The following IQSEC1 variants were observed in gnomAD, a reference collection of about 807,000 sequenced individuals.
The protein encoded by IQSEC1 is IQ motif and Sec7 domain ArfGEF 1.
In IQSEC1, 31 loss-of-function variants were observed where a neutral mutation model predicts 91.0. That is an observed-to-expected ratio of 0.34 (90% CI 0.26 to 0.46). The LOEUF is 0.46. IQSEC1 is among the 20% of genes least tolerant of loss of function. IQSEC1 has a pLI of 1.00. For synonymous variants in IQSEC1, 699 were observed against 662.6 expected, an observed-to-expected ratio of 1.05 and a Z score of -0.84; for missense variants, 1,388 against 1,575.6, an observed-to-expected ratio of 0.88 and a Z score of 2.02.
rs143807835 is a variant in IQSEC1, at chr3:13,225,521, A to G, written c.272+57190T>C. On this transcript the variant is annotated intron_variant, in intron 1 of 15. Coordinates refer to the IQSEC1 transcript ENST00000648114. ...AATAGGACTCAACAAGCATACATTC[A>G]CTTGGCAGGTGGTAAGTACCAGAAA... Among the ~76,000 whole-genome samples the G allele has an allele frequency of 1.8e-3, 274 of 152,322 alleles. 1 individual carries two copies. The highest frequency in any genetic ancestry group is 6.2e-3 in the African/African-American group (259 of 41,568).
intron 1 of IQSEC1, among the ~76,000 whole-genome samples, chr3:13,215,687 C>T (rs538344579): frequency 3.9e-5 from 6 of 152,330 alleles, no homozygotes; most frequent in African/African-American, 1.2e-4. Flanking sequence ...AGAAGGCCGA[C>T]ATGGCCACTG....
chr3:13,195,176 G>A (rs1694104222), intron 1 of IQSEC1, among the ~76,000 whole-genome samples: 1 of 152,126 alleles, frequency 6.6e-6, no homozygotes, highest in South Asian at 2.1e-4. Context: ...GTTAGAAAAT[G>A]GGCAAAAGAC....
chr3:13,132,842 G>A (rs1352113829), intron 2 of IQSEC1, among the ~76,000 whole-genome samples: 1 of 152,188 alleles, frequency 6.6e-6, no homozygotes. Context: ...GGCATCCTGA[G>A]CTCAATCCCA....
At chr3:13,227,697 G>A (rs568659611) in intron 1 of IQSEC1, among the ~76,000 whole-genome samples, 11 of 152,302 alleles carry the variant, frequency 7.2e-5, no homozygotes, top group Admixed American at 1.3e-4. Flanking sequence ...CAGGTGGGGC[G>A]ATAGAGGGCT....
Position 12,961,872 on chromosome 3 carries a change from G to T in IQSEC1, c.24-20007C>A, listed in dbSNP as rs1352134567. Among the ~76,000 whole-genome samples, 3 of 152,228 alleles carry T rather than the reference G, an allele frequency of 2.0e-5. 1 individual carries two copies. The highest frequency in any genetic ancestry group is 4.4e-5 in the Non-Finnish European group (3 of 68,040). ...CAATGGGGAAACTGAGGCACAGAAA[G>T]GCTAAGGAAGGTGCCCAAGATCATA... is the stretch of plus-strand genomic sequence containing the variant. On this transcript the variant is annotated intron_variant, in intron 1 of 13. Transcript: ENST00000613206.
In IQSEC1 at chr3:13,117,414, G is replaced by A. The variant is rs1217531530; in HGVS notation, c.302+46690C>T. On this transcript the variant is annotated intron_variant, in intron 2 of 15. Coordinates refer to the IQSEC1 transcript ENST00000648114. ...ATCCTGGCCAACATGGTGAAACCCCGTCTCTACTAAAAATACGAAAAATTA... is the reference window on the plus strand; with the variant it reads ...ATCCTGGCCAACATGGTGAAACCCCATCTCTACTAAAAATACGAAAAATTA... 4.7e-5 allele frequency among the ~76,000 whole-genome samples: 7 copies of A among 150,042 alleles called. No homozygotes were observed. In the East Asian group the frequency reaches 5.9e-4, roughly 13 times the overall value.
intron 1 of IQSEC1, among the ~76,000 whole-genome samples, chr3:13,219,403 C>G (rs1328863555): frequency 6.6e-6 from 1 of 152,210 alleles, no homozygotes; most frequent in Admixed American, 6.5e-5. Flanking sequence ...CCACAGCCCC[C>G]CAGGGAGCTC....
rs538236872 is a variant in IQSEC1, at chr3:12,920,780, T to G, written c.1854-184A>C. 3.9e-5 allele frequency among the ~76,000 whole-genome samples: 6 copies of G among 152,310 alleles called. No individual in the cohort carries two copies. In the East Asian group the frequency reaches 7.7e-4, roughly 20 times the overall value. On this transcript the variant is annotated intron_variant, in intron 5 of 13. Coordinates refer to ENST00000613206, the MANE Select transcript of IQSEC1 (RefSeq NM_001134382.3). ...GCCCTCCTCACTCTACTGTAGTCCC[T>G]CCTACCTGGATTTTAGCCGGGCACA...
intron 1 of IQSEC1, among the ~76,000 whole-genome samples, chr3:13,195,936 G>T (rs1694116231): frequency 6.6e-6 from 1 of 152,210 alleles, no homozygotes; most frequent in South Asian, 2.1e-4. Context: ...AGGAAACTGG[G>T]TGGAGGGGAC....
intron 1 of IQSEC1, among the ~76,000 whole-genome samples, chr3:12,999,947 A>G (rs1161998953): frequency 6.6e-6 from 1 of 152,204 alleles, no homozygotes; most frequent in Admixed American, 6.5e-5. Context: ...GTCCTGTGTA[A>G]TAAAGTCCAA....
intron 3 of IQSEC1, among the ~76,000 whole-genome samples, chr3:12,927,230 G>A (rs541992254): frequency 5.3e-5 from 8 of 152,312 alleles, no homozygotes; most frequent in South Asian, 2.1e-4. Context: ...ATTCTAGTTC[G>A]TTGCCAGTAT....
chr3:13,035,536 C>T (rs1382824013), intron 1 of IQSEC1, among the ~76,000 whole-genome samples: 1 of 152,158 alleles, frequency 6.6e-6, no homozygotes, highest in Non-Finnish European at 1.5e-5. Context: ...GAAAACCTGC[C>T]ACTGATTGAA....
intron 1 of IQSEC1, among the ~76,000 whole-genome samples, chr3:12,993,556 C>G (rs1480725357): frequency 2.6e-5 from 4 of 152,230 alleles, no homozygotes; most frequent in Non-Finnish European, 5.9e-5. Flanking sequence ...TCTGGATTCA[C>G]GTACCCCCGC....
chr3:13,218,143 C>T (rs776689895), intron 1 of IQSEC1, among the ~76,000 whole-genome samples: 2 of 152,154 alleles, frequency 1.3e-5, no homozygotes, highest in Non-Finnish European at 2.9e-5. Flanking sequence ...AAAGCTGTGT[C>T]GGGGGTGGGA....
chr3:13,201,189 G>C (rs1694238530), intron 1 of IQSEC1, among the ~76,000 whole-genome samples: 2 of 152,206 alleles, frequency 1.3e-5, no homozygotes, highest in African/African-American at 4.8e-5. Flanking sequence ...AGGCCACATG[G>C]CCAGGAAGGA....
chr3:13,263,308 C>T (rs1489463264), intron 1 of IQSEC1, among the ~76,000 whole-genome samples: 4 of 151,306 alleles, frequency 2.6e-5, no homozygotes, highest in African/African-American at 4.9e-5. Context: ...TGCCATTAAA[C>T]TACACACTTA....
chr3:13,074,146 G>C (rs1314694965), upstream of IQSEC1, among the ~76,000 whole-genome samples: 2 of 152,232 alleles, frequency 1.3e-5, no homozygotes, highest in East Asian at 1.9e-4. Context: ...GATGAAAAGA[G>C]AGCAGGAAGA....
rs1476450628 is a variant in IQSEC1 at position 12,901,204 on chromosome 3, G to A, written c.3124C>T (p.His1042Tyr). Residue 1042 changes from histidine (H) to tyrosine (Y), a missense_variant, in exon 14 of 14, where the codon CAT (histidine) becomes TAT (tyrosine). Physicochemically the swap from His to Tyr is moderately conservative, Grantham distance 83. Transcript: ENST00000613206. ...TGGGGTGGGTGGTGGTGGTGGTGAT[G>A]GTGGTACGGGGGAGGGTTCTGCATG... Reference protein sequence around the residue: ...CHMQNPPPYHHHHHHHPPQHI... With the variant: ...CHMQNPPPYHYHHHHHPPQHI... 45 of 1,546,126 alleles carry A rather than the reference G, an allele frequency of 2.9e-5. No homozygotes were observed. Among genetic ancestry groups the A allele is most frequent in the Non-Finnish European group, 3.8e-5 (44 of 1,144,848 alleles).
chr3:12,965,325 A>C (rs760533827), intron 1 of IQSEC1, among the ~76,000 whole-genome samples: 1 of 152,202 alleles, frequency 6.6e-6, no homozygotes, highest in Non-Finnish European at 1.5e-5. Flanking sequence ...AGGTTTCTGG[A>C]CCGTGCTGCA....
Sources: gnomAD v4.1 joint callset for allele counts (sites outside exome capture counted in the v4.1 genomes callset) on GRCh38, gnomAD v4.1.1 for gene constraint, MANE v1.5 for transcripts, NCBI Gene and HGNC (gene_info 2026-07-23, HGNC 2026-07-21) for gene names.